The following FAT3 variants were observed in gnomAD, a reference collection of about 807,000 sequenced individuals.
FAT3 encodes FAT atypical cadherin 3, also known as protocadherin Fat 3.
In FAT3, 95 loss-of-function variants were observed where a neutral mutation model predicts 310.2. That is an observed-to-expected ratio of 0.31 (90% CI 0.26 to 0.36). FAT3 has a LOEUF of 0.36. Among genes scored for constraint, FAT3 ranks in the 10% least tolerant of loss-of-function variants. The probability of loss-of-function intolerance (pLI) is 1.00; values close to 1 mark genes in which losing one functional copy is unlikely to be tolerated. For synonymous variants in FAT3, 2,314 were observed against 2,192.9 expected (o/e 1.06, Z -1.54); for missense variants, 5,408 against 5,715.6 (o/e 0.95, Z 1.74).
At chr11:92,871,806 C>G (rs1430226980) in intron 22 of FAT3, among the ~76,000 whole-genome samples, 1 of 152,044 alleles carries the variant, frequency 6.6e-6, no homozygotes, top group Non-Finnish European at 1.5e-5. Flanking sequence ...TTTTAACAAG[C>G]CTCCAAGGAG....
chr11:92,565,908 T>C (rs1792370), intron 3 of FAT3, among the ~76,000 whole-genome samples: 69,378 of 151,752 alleles, frequency 0.46, 16,519 homozygotes, highest in African/African-American at 0.56. Context: ...GAGCTATCTA[T>C]GACAAAACCA....
intron 2 of FAT3, among the ~76,000 whole-genome samples, chr11:92,520,440 T>A (rs1356455022): frequency 6.6e-6 from 1 of 152,120 alleles, no homozygotes; most frequent in African/African-American, 2.4e-5. Flanking sequence ...AATCAAAACT[T>A]ACCAATTGTT....
At chr11:92,703,080 A>G (rs1479025270) in intron 4 of FAT3, among the ~76,000 whole-genome samples, 1 of 152,188 alleles carries the variant, frequency 6.6e-6, no homozygotes, top group East Asian at 1.9e-4. Context: ...AAACTCATCC[A>G]TTGTCCTCTG....
At chr11:92,296,610 C>G (rs1345533793) in intron 1 of FAT3, among the ~76,000 whole-genome samples, 3 of 151,716 alleles carry the variant, frequency 2.0e-5, no homozygotes, top group Non-Finnish European at 2.9e-5. Context: ...TATGGCCTGT[C>G]TGTTTCATGG....
At chr11:92,286,827 A>G (rs1946573249) in intron 1 of FAT3, among the ~76,000 whole-genome samples, 1 of 152,158 alleles carries the variant, frequency 6.6e-6, no homozygotes, top group South Asian at 2.1e-4. Flanking sequence ...TGAAGTATTC[A>G]ATGCATCAAA....
At chr11:92,788,635 T>C (rs1946960595) in intron 7 of FAT3, among the ~76,000 whole-genome samples, 3 of 152,042 alleles carry the variant, frequency 2.0e-5, no homozygotes, top group African/African-American at 7.2e-5. Context: ...ATTATGTATC[T>C]CCAGATGGAA....
At chr11:92,747,206 A>G (rs986850287) in intron 4 of FAT3, among the ~76,000 whole-genome samples, 3 of 152,172 alleles carry the variant, frequency 2.0e-5, no homozygotes, top group African/African-American at 2.4e-5. Flanking sequence ...AGGCATTTCC[A>G]TACATCCTCT....
rs531522382 is a variant in FAT3 at position 92,458,624 on chromosome 11, C to T, written c.3293-66010C>T. Among the ~76,000 whole-genome samples, 3 of 152,300 alleles carry T rather than the reference C, an allele frequency of 2.0e-5. No individual in the cohort carries two copies. In the East Asian group the frequency reaches 5.8e-4, roughly 29 times the overall value. ...TCTTTGTTTATATCTCTGACCTGCT[C>T]AGTTTCCATGGTGGTGTGGAGCATT... On this transcript the variant is annotated intron_variant, in intron 2 of 27. Transcript: ENST00000525166.
At chr11:92,546,235 C>T (rs920511905) in intron 3 of FAT3, among the ~76,000 whole-genome samples, 2 of 152,144 alleles carry the variant, frequency 1.3e-5, no homozygotes, top group African/African-American at 4.8e-5. Flanking sequence ...GATCCTCTGC[C>T]CTTCCATCCC....
At chr11:92,314,118 A>C (rs914618980) in intron 1 of FAT3, among the ~76,000 whole-genome samples, 4 of 152,238 alleles carry the variant, frequency 2.6e-5, no homozygotes, top group African/African-American at 9.6e-5. Context: ...AAAACCATTT[A>C]TCAAACCTTC....
At chr11:92,316,411 G>T (rs1015275877) in intron 1 of FAT3, among the ~76,000 whole-genome samples, 1 of 151,982 alleles carries the variant, frequency 6.6e-6, no homozygotes, top group African/African-American at 2.4e-5. Context: ...CAGTTGCTTT[G>T]ATTAAAAAAA....
chr11:92,371,521 G>T (rs1293498670), intron 2 of FAT3, among the ~76,000 whole-genome samples: 1 of 152,172 alleles, frequency 6.6e-6, no homozygotes, highest in Non-Finnish European at 1.5e-5. Context: ...TTTGAGACCA[G>T]CCTTGCCAAC....
In FAT3 at chr11:92,632,456, G is replaced by A. The variant is rs528193596; in HGVS notation, c.3608-64928G>A. Among the ~76,000 whole-genome samples the A allele has an allele frequency of 5.3e-5, 8 of 152,260 alleles. No individual in the cohort carries two copies. In the East Asian group the frequency reaches 1.4e-3, roughly 26 times the overall value. ...TGGAAAAGGAGCTGTATGCAGTGAGGGGATGAGCAAGGCAACAACTGGATA... is the reference window on the plus strand; with the variant it reads ...TGGAAAAGGAGCTGTATGCAGTGAGAGGATGAGCAAGGCAACAACTGGATA... On this transcript the variant is annotated intron_variant, in intron 3 of 27. Transcript: ENST00000525166.
chr11:92,794,529 G>T (rs1468950029), intron 9 of FAT3, among the ~76,000 whole-genome samples: 1 of 152,152 alleles, frequency 6.6e-6, no homozygotes, highest in African/African-American at 2.4e-5. Flanking sequence ...GCCAGATAAT[G>T]TTTCAACCAG....
In FAT3 at chr11:92,506,632, G is replaced by C. The variant is rs188952528; in HGVS notation, c.3293-18002G>C. ...TCACACTATTATTGCCTTTTTCCAA[G>C]TTCCTAATATAGTTGTTTCTGATTA... On this transcript the variant is annotated intron_variant, in intron 2 of 27. Coordinates refer to ENST00000525166, the MANE Select transcript of FAT3 (RefSeq NM_001367949.2). 2.6e-5 allele frequency among the ~76,000 whole-genome samples: 4 copies of C among 152,180 alleles called. No homozygotes were observed. In the East Asian group the frequency reaches 7.7e-4, roughly 29 times the overall value.
intron 2 of FAT3, among the ~76,000 whole-genome samples, chr11:92,517,624 G>A (rs1953530962): frequency 6.6e-6 from 1 of 152,108 alleles, no homozygotes; most frequent in Non-Finnish European, 1.5e-5. Context: ...TTGACAAATG[G>A]GATCTAATTA....
chr11:92,524,654 A>T lies in FAT3; in HGVS notation c.3313A>T (p.Ile1105Phe). Reference sequence around the variant, plus strand: ...CTCAGGGGTCATCACTGCCGCAGACATTCTTGATCGGGAGACAATGGGGTC... The same window carrying T: ...CTCAGGGGTCATCACTGCCGCAGACTTTCTTGATCGGGAGACAATGGGGTC... ...DESGVITAAD[I>F]LDRETMGSYW... The change falls in exon 3 of 28, where the codon ATT becomes TTT. Residue 1105 changes from isoleucine (I) to phenylalanine (F), a missense_variant. Transcript: ENST00000525166. 4.3e-6 allele frequency: 7 copies of T among 1,613,240 alleles called. No individual in the cohort carries two copies. The highest frequency in any genetic ancestry group is 5.9e-6 in the Non-Finnish European group (7 of 1,179,338).
intron 1 of FAT3, among the ~76,000 whole-genome samples, chr11:92,321,121 A>G (rs775074939): frequency 6.6e-6 from 1 of 152,060 alleles, no homozygotes; most frequent in Non-Finnish European, 1.5e-5. Context: ...AAGAGAGAAG[A>G]GAATGAAGGA....
chr11:92,527,936 G>A (rs1418987340), intron 3 of FAT3, among the ~76,000 whole-genome samples: 1 of 152,150 alleles, frequency 6.6e-6, no homozygotes, highest in African/African-American at 2.4e-5. Flanking sequence ...GTTGACTCTA[G>A]TAAACTAAGC....
Sources: allele counts gnomAD v4.1 joint callset (sites outside exome capture counted in the v4.1 genomes callset), GRCh38; gene constraint gnomAD v4.1.1; transcripts MANE v1.5; gene names NCBI Gene and HGNC (gene_info 2026-07-23, HGNC 2026-07-21).